The following THSD7A variants were observed in gnomAD, a reference collection of about 807,000 sequenced individuals.
THSD7A encodes the protein thrombospondin type-1 domain-containing protein 7A.
THSD7A carries 96 observed loss-of-function variants against 231.3 expected under a neutral mutation model. The observed-to-expected ratio is 0.41, with a 90% CI of 0.35 to 0.49. The LOEUF is 0.49. Among genes scored for constraint, THSD7A ranks in the 20% least tolerant of loss-of-function variants. The probability of loss-of-function intolerance (pLI) is 0.05; values close to 1 mark genes in which losing one functional copy is unlikely to be tolerated. For missense variants in THSD7A, 2,290 were observed against 2,070.2 expected (o/e 1.11, Z -2.06); for synonymous variants, 940 against 743.3 (o/e 1.26, Z -4.30).
intron 4 of THSD7A, among the ~76,000 whole-genome samples, chr7:11,557,598 G>C (rs1789902339): frequency 6.6e-6 from 1 of 151,906 alleles, no homozygotes; most frequent in African/African-American, 2.4e-5. Context: ...TTTCTAACTG[G>C]CTTTTTATGA....
At chr7:11,494,832 G>A (rs1787034376) in intron 6 of THSD7A, among the ~76,000 whole-genome samples, 1 of 151,930 alleles carries the variant, frequency 6.6e-6, no homozygotes, top group African/African-American at 2.4e-5. Flanking sequence ...ATAAGCTTAT[G>A]TTTTACCTAA....
At chr7:11,605,533 G>T (rs919972354) in intron 2 of THSD7A, among the ~76,000 whole-genome samples, 8 of 152,086 alleles carry the variant, frequency 5.3e-5, no homozygotes, top group Admixed American at 4.6e-4. Context: ...ATCAGAATCT[G>T]ATTTTAACAA....
At chr7:11,569,817 T>C (rs1790542811) in intron 4 of THSD7A, among the ~76,000 whole-genome samples, 1 of 152,226 alleles carries the variant, frequency 6.6e-6, no homozygotes, top group South Asian at 2.1e-4. Context: ...ATTTGGTACA[T>C]GTACACAATG....
chr7:11,749,011 C>T (rs1335851649), intron 1 of THSD7A, among the ~76,000 whole-genome samples: 1 of 151,896 alleles, frequency 6.6e-6, no homozygotes, highest in Non-Finnish European at 1.5e-5. Context: ...AGTGTCACCC[C>T]AAGATCCGTC....
intron 1 of THSD7A, among the ~76,000 whole-genome samples, chr7:11,752,532 G>T (rs1201676146): frequency 6.6e-6 from 1 of 151,940 alleles, no homozygotes; most frequent in African/African-American, 2.4e-5. Flanking sequence ...CTAGAGATAA[G>T]ATTATTTTAT....
chr7:11,596,263 A>G (rs527304969), intron 2 of THSD7A, among the ~76,000 whole-genome samples: 1 of 152,300 alleles, frequency 6.6e-6, no homozygotes, highest in East Asian at 1.9e-4. Context: ...AAATGATCAG[A>G]CAATTTGGGG....
rs575804604 is a variant in THSD7A at position 11,678,247 on chromosome 7, G to T, written c.191-41286C>A. 2.0e-5 allele frequency among the ~76,000 whole-genome samples: 3 copies of T among 152,260 alleles called. No homozygotes were observed. The South Asian group carries it at 6.2e-4, about 32-fold the overall frequency. On this transcript the variant is annotated intron_variant, in intron 1 of 27. Coordinates refer to ENST00000423059, the MANE Select transcript of THSD7A (RefSeq NM_015204.3). ...AATGCCCATAGGAGAAAGCAGGAAA[G>T]ATGTAAAATTGACACGCTAACATCA... is the stretch of plus-strand genomic sequence containing the variant.
At chr7:11,421,549 C>T (rs986980570) in intron 16 of THSD7A, among the ~76,000 whole-genome samples, 2 of 152,100 alleles carry the variant, frequency 1.3e-5, no homozygotes, top group African/African-American at 4.8e-5. Context: ...ATACATCTCT[C>T]TTCCTTTTAT....
chr7:11,687,429 C>A (rs937717786), intron 1 of THSD7A, among the ~76,000 whole-genome samples: 1 of 151,858 alleles, frequency 6.6e-6, no homozygotes, highest in African/African-American at 2.4e-5. Context: ...AACTGACACA[C>A]ACACACACTC....
chr7:11,519,809 A>G (rs1036369719), intron 6 of THSD7A, among the ~76,000 whole-genome samples: 14 of 152,202 alleles, frequency 9.2e-5, no homozygotes, highest in Admixed American at 5.2e-4. Flanking sequence ...CTTTCAAGTA[A>G]ATCTAGTCTA....
At chr7:11,416,576 T>A (rs969640389) in intron 17 of THSD7A, among the ~76,000 whole-genome samples, 14 of 152,244 alleles carry the variant, frequency 9.2e-5, no homozygotes, top group African/African-American at 3.1e-4. Flanking sequence ...TGTCTGCTAA[T>A]CAGTATGTTT....
intron 24 of THSD7A, among the ~76,000 whole-genome samples, chr7:11,380,851 T>C (rs1197127062): frequency 2.6e-5 from 4 of 152,172 alleles, no homozygotes. Context: ...AAATAATCCA[T>C]TGTACACTTT....
intron 1 of THSD7A, among the ~76,000 whole-genome samples, chr7:11,756,630 A>G (rs2128166576): frequency 6.6e-6 from 1 of 152,248 alleles, no homozygotes; most frequent in Non-Finnish European, 1.5e-5. Flanking sequence ...ACCTGATCAT[A>G]AAGAAAAAGG....
intron 2 of THSD7A, among the ~76,000 whole-genome samples, chr7:11,604,524 C>A (rs1198052785): frequency 6.6e-6 from 1 of 151,764 alleles, no homozygotes; most frequent in African/African-American, 2.4e-5. Flanking sequence ...TCTTTAACAT[C>A]ACAATTTTTA....
At chr7:11,772,668 T>C (rs768105350) in intron 1 of THSD7A, among the ~76,000 whole-genome samples, 2 of 152,126 alleles carry the variant, frequency 1.3e-5, no homozygotes, top group Non-Finnish European at 2.9e-5. Context: ...ATGTTGAGTA[T>C]ACATGGACAC....
chr7:11,623,066 T>C (rs1055954892), intron 2 of THSD7A, among the ~76,000 whole-genome samples: 37 of 152,184 alleles, frequency 2.4e-4, no homozygotes, highest in African/African-American at 8.9e-4. Flanking sequence ...TGCTTTATAC[T>C]TGCCTAAAAT....
chr7:11,557,802 G>C (rs1036592454), intron 4 of THSD7A, among the ~76,000 whole-genome samples: 3 of 152,098 alleles, frequency 2.0e-5, no homozygotes, highest in African/African-American at 4.8e-5. Flanking sequence ...TTACCAGATA[G>C]CAACTAGCAG....
intron 4 of THSD7A, among the ~76,000 whole-genome samples, chr7:11,581,169 T>G (rs536444604): frequency 6.6e-6 from 1 of 152,058 alleles, no homozygotes; most frequent in African/African-American, 2.4e-5. Context: ...TATAATGTCT[T>G]AATAAATGTA....
At position 11,590,328 on chromosome 7, in the gene THSD7A, G is replaced by T; in HGVS notation, c.1453+132C>A. On this transcript the variant is annotated intron_variant, in intron 4 of 27. Coordinates refer to ENST00000423059, the MANE Select transcript of THSD7A (RefSeq NM_015204.3). The surrounding 1 kb of genome is among the most constrained non-coding windows in gnomAD (Gnocchi z 4.4). Reference sequence around the variant, plus strand: ...ATAATGTGGATTACTGTTTACCATAGTGAATACCAACCACAATGTGAACAG... The same window carrying T: ...ATAATGTGGATTACTGTTTACCATATTGAATACCAACCACAATGTGAACAG... The T allele has an allele frequency of 1.2e-6, 1 of 841,376 alleles. No homozygotes were observed. The highest frequency in any genetic ancestry group is 1.8e-6 in the Non-Finnish European group (1 of 568,772). 52.1% of individuals were successfully genotyped at this position (841,376 alleles called of 1,614,324 possible).
Sources: allele counts gnomAD v4.1 joint callset (sites outside exome capture counted in the v4.1 genomes callset), GRCh38; gene constraint gnomAD v4.1.1; non-coding constraint Gnocchi (gnomAD v3.1); transcripts MANE v1.5; gene names NCBI Gene and HGNC (gene_info 2026-07-23, HGNC 2026-07-21).